The following SH3PXD2A variants were observed in gnomAD, a reference collection of about 807,000 sequenced individuals.
SH3PXD2A encodes SH3 and PX domain-containing protein 2A.
A neutral mutation model predicts 115.2 loss-of-function variants in SH3PXD2A; 32 were observed. The observed-to-expected ratio is 0.28, with a 90% CI of 0.21 to 0.37. SH3PXD2A has a LOEUF of 0.37. SH3PXD2A is among the 10% of genes least tolerant of loss of function. The pLI is 1.00. For synonymous variants in SH3PXD2A, 610 were observed against 629.1 expected, an observed-to-expected ratio of 0.97 and a Z score of 0.45; for missense variants, 1,328 against 1,498.7, an observed-to-expected ratio of 0.89 and a Z score of 1.88.
intron 3 of SH3PXD2A, among the ~76,000 whole-genome samples, chr10:103,741,268 C>T (rs563336034): frequency 3.9e-5 from 6 of 152,356 alleles, no homozygotes; most frequent in Admixed American, 3.9e-4. Context: ...GAGGAGCCTG[C>T]AGCCACAGAA....
intron 5 of SH3PXD2A, among the ~76,000 whole-genome samples, chr10:103,708,378 C>T (rs934997840): frequency 6.6e-6 from 1 of 152,162 alleles, no homozygotes; most frequent in African/African-American, 2.4e-5. Flanking sequence ...ACCAGTGGCT[C>T]CCTCAGTGGG....
intron 5 of SH3PXD2A, among the ~76,000 whole-genome samples, chr10:103,695,513 GAAAA>G (rs1321423150): frequency 1.1e-5 from 1 of 93,042 alleles, no homozygotes; most frequent in African/African-American, 3.8e-5. Context: ...GTCTCAAAAA[GAAAA>G]AAAAAAAAAA....
At chr10:103,736,944 C>A in intron 3 of SH3PXD2A, 1 of 471,882 alleles carries the variant, frequency 2.1e-6, no homozygotes, top group South Asian at 1.6e-5. Flanking sequence ...CAGTGATTGG[C>A]TCAGTGGTGG....
chr10:103,770,971 A>G (rs1174478305), intron 2 of SH3PXD2A, among the ~76,000 whole-genome samples: 1 of 152,218 alleles, frequency 6.6e-6, no homozygotes, highest in Admixed American at 6.5e-5. Context: ...AATCTTTTCC[A>G]TAAGAAGAAT....
At chr10:103,662,556 C>T (rs34970188) in intron 7 of SH3PXD2A, among the ~76,000 whole-genome samples, 4 of 150,824 alleles carry the variant, frequency 2.7e-5, no homozygotes, top group Non-Finnish European at 4.4e-5. Flanking sequence ...CCCGCCACCG[C>T]GCCCGGCTAA....
chr10:103,674,778 C>CCA (rs1352638452), intron 6 of SH3PXD2A, among the ~76,000 whole-genome samples: 1 of 152,138 alleles, frequency 6.6e-6, no homozygotes, highest in Admixed American at 6.5e-5. Flanking sequence ...TGAGATCACG[C>CCA]CACCGCACTC....
chr10:103,731,151 G>A (rs1409893752), intron 4 of SH3PXD2A, among the ~76,000 whole-genome samples: 1 of 151,780 alleles, frequency 6.6e-6, no homozygotes. Context: ...CTCCTCTGAA[G>A]GAGTCCCGTT....
chr10:103,725,188 A>G (rs1029554918), intron 4 of SH3PXD2A, among the ~76,000 whole-genome samples: 1 of 152,178 alleles, frequency 6.6e-6, no homozygotes, highest in Non-Finnish European at 1.5e-5. Context: ...GGAGCGATCA[A>G]GCATGTTGGT....
intron 1 of SH3PXD2A, among the ~76,000 whole-genome samples, chr10:103,836,434 A>C (rs2039540790): frequency 6.6e-6 from 1 of 150,994 alleles, no homozygotes; most frequent in Non-Finnish European, 1.5e-5. Context: ...ACACAGACAC[A>C]TCCATACACA....
intron 1 of SH3PXD2A, among the ~76,000 whole-genome samples, chr10:103,804,132 T>C (rs1013930301): frequency 5.9e-5 from 9 of 152,076 alleles, no homozygotes; most frequent in African/African-American, 1.4e-4. Flanking sequence ...ATGTTTCTTA[T>C]CAGATCTTAG....
At chr10:103,730,052 A>C (rs1339728733) in intron 4 of SH3PXD2A, among the ~76,000 whole-genome samples, 1 of 152,190 alleles carries the variant, frequency 6.6e-6, no homozygotes, top group Non-Finnish European at 1.5e-5. Flanking sequence ...GCCCCGGCAG[A>C]CTGTGCTCAG....
At chr10:103,818,192 T>C (rs1262361523) in intron 1 of SH3PXD2A, among the ~76,000 whole-genome samples, 1 of 152,244 alleles carries the variant, frequency 6.6e-6, no homozygotes, top group African/African-American at 2.4e-5. Context: ...GTCTAATTCC[T>C]GCAAGAGCCA....
rs956116116 is a variant in SH3PXD2A at position 103,620,450 on chromosome 10, C to T, written c.802+2020G>A. ...CAGCAGTCTCCCCACTCCCTTCCTG[C>T]CCCCACGACTTACCCAACCCCACTG... is the stretch of plus-strand genomic sequence containing the variant. On this transcript the variant is annotated intron_variant, in intron 10 of 14. Coordinates refer to ENST00000369774, the MANE Select transcript of SH3PXD2A (RefSeq NM_001394015.1). The surrounding 1 kb of genome is among the most constrained non-coding windows in gnomAD (Gnocchi z 5.3). 1.1e-4 allele frequency among the ~76,000 whole-genome samples: 16 copies of T among 152,212 alleles called. No homozygotes were observed. The highest frequency in any genetic ancestry group is 1.8e-4 in the Non-Finnish European group (12 of 68,044).
At chr10:103,676,360 C>T (rs1287494009) in intron 6 of SH3PXD2A, among the ~76,000 whole-genome samples, 3 of 152,032 alleles carry the variant, frequency 2.0e-5, no homozygotes, top group Non-Finnish European at 4.4e-5. Flanking sequence ...CCTGCTCAGG[C>T]GGGGGATGGG....
intron 14 of SH3PXD2A, 71 bp from the exon 15 acceptor site, chr10:103,603,860 T>A: frequency 2.1e-6 from 3 of 1,441,238 alleles, no homozygotes; most frequent in Non-Finnish European, 2.7e-6. Flanking sequence ...AAGGTAGGAG[T>A]ATCATACTTT....
chr10:103,689,063 A>G (rs1207970202), intron 6 of SH3PXD2A, among the ~76,000 whole-genome samples: 1 of 152,060 alleles, frequency 6.6e-6, no homozygotes, highest in African/African-American at 2.4e-5. Context: ...TGGTAGAGAG[A>G]GGATCTTGCT....
At chr10:103,777,493 G>A (rs563905914) in intron 2 of SH3PXD2A, among the ~76,000 whole-genome samples, 93 of 152,396 alleles carry the variant, frequency 6.1e-4, no homozygotes, top group Non-Finnish European at 1.0e-3. Flanking sequence ...TCCGTGGGTG[G>A]GGGCTGGCCA....
intron 13 of SH3PXD2A, among the ~76,000 whole-genome samples, chr10:103,610,303 T>A (rs1247413642): frequency 1.3e-5 from 2 of 152,232 alleles, no homozygotes; most frequent in African/African-American, 4.8e-5. Flanking sequence ...CAGCTGGGCC[T>A]AACTGGAAAC....
intron 4 of SH3PXD2A, among the ~76,000 whole-genome samples, chr10:103,727,248 G>A (rs2038252094): frequency 6.6e-6 from 1 of 152,218 alleles, no homozygotes; most frequent in Admixed American, 6.5e-5. Context: ...AGCTGTGAAG[G>A]TCAGATGGGT....
Sources: allele counts gnomAD v4.1 joint callset (sites outside exome capture counted in the v4.1 genomes callset), GRCh38; gene constraint gnomAD v4.1.1; non-coding constraint Gnocchi (gnomAD v3.1); transcripts MANE v1.5; gene names NCBI Gene and HGNC (gene_info 2026-07-23, HGNC 2026-07-21).